Variants in PRSS37 observed in about 807,000 individuals in gnomAD.
PRSS37 encodes serine protease 37.
Under a neutral mutation model 28.0 loss-of-function variants are expected in PRSS37, and 25 were observed. The observed-to-expected ratio is 0.89, with a 90% confidence interval of 0.65 to 1.25. The LOEUF is 1.25. Among genes scored for constraint, PRSS37 ranks in the 50% most tolerant of loss-of-function variants. PRSS37 has a pLI of 0.00. For synonymous variants in PRSS37, 109 were observed against 107.8 expected, an observed-to-expected ratio of 1.01 and a Z score of -0.07; for missense variants, 282 against 292.2, an observed-to-expected ratio of 0.97 and a Z score of 0.25.
chr7:141,839,658 A>G (rs1235442926), intron 1 of PRSS37, among the ~76,000 whole-genome samples, 179 bp from the exon 2 acceptor site: 1 of 152,138 alleles, frequency 6.6e-6, no homozygotes, highest in Non-Finnish European at 1.5e-5. Flanking sequence ...ATTTTATCTT[A>G]TATTTATAAT....
At chr7:141,837,074 T>C (rs376824020) in intron 4 of PRSS37, 38 bp downstream of exon 4, 2 of 1,602,152 alleles carry the variant, frequency 1.2e-6, no homozygotes, top group Non-Finnish European at 8.5e-7. Context: ...ACCGGGCATA[T>C]GCAAGTAAAT....
chr7:141,838,529 T>C, intron 2 of PRSS37: 1 of 924,094 alleles, frequency 1.1e-6, no homozygotes, highest in Non-Finnish European at 1.4e-6. Context: ...TCCTATTCCA[T>C]TCTGCTCTGC....
chr7:141,837,468 G>C (rs1030769331), intron 3 of PRSS37: 8 of 1,133,824 alleles, frequency 7.1e-6, no homozygotes, highest in Non-Finnish European at 8.7e-6. Context: ...ATTTTTAATT[G>C]GTGGCCTGTC....
chr7:141,839,016 A>G (rs1801067034), intron 2 of PRSS37: 1 of 499,494 alleles, frequency 2.0e-6, no homozygotes, highest in South Asian at 1.6e-5. Flanking sequence ...TGCCAGTAAA[A>G]AAAAAAAAAG....
In PRSS37 at chr7:141,837,096, A is replaced by G; in HGVS notation, c.567+16T>C. 6.2e-7 allele frequency: 1 copy of G among 1,611,374 alleles called. No homozygotes were observed. Among genetic ancestry groups the G allele is most frequent in the Non-Finnish European group, 8.5e-7 (1 of 1,179,010 alleles). On this transcript the variant is annotated intron_variant, in intron 4 of 4. Transcript: ENST00000350549. ...ATATGCAAGTAAATGAAAGCTGAAT[A>G]TAGAGATAAGATTACCCCAAAAATT... is the stretch of plus-strand genomic sequence containing the variant.
intron 2 of PRSS37, 63 bp downstream of exon 2, chr7:141,839,275 G>A (rs62478495): frequency 0.17 from 263,904 of 1,544,238 alleles, 23,307 homozygotes; most frequent in East Asian, 0.25. Flanking sequence ...ACCCTTATAT[G>A]AGAACCACTG....
rs780686375 is a variant in PRSS37 at position 141,836,361 on chromosome 7, AG to A, written c.*33del. 1.9e-6 allele frequency: 3 copies of A among 1,607,924 alleles called. No individual in the cohort carries two copies. Among genetic ancestry groups the A allele is most frequent in the Non-Finnish European group, 2.6e-6 (3 of 1,174,884 alleles). On this transcript the variant is annotated 3_prime_UTR_variant, in exon 5 of 5. Coordinates refer to ENST00000350549, the MANE Select transcript of PRSS37 (RefSeq NM_001008270.3). ...ATTATCTGCTTGTATAGTCCATGGC[AG>A]AGCCAGTGGAATGCAGAGGGAGAAG...
chr7:141,838,430 T>C lies in PRSS37; in HGVS notation c.177-317A>G, dbSNP rs138690161. 17 of 1,218,132 alleles carry C rather than the reference T, an allele frequency of 1.4e-5. No individual in the cohort carries two copies. The African/African-American group carries it at 2.2e-4, about 15-fold the overall frequency. The allele number at this position is 1,218,132 out of a possible 1,614,324, so 75.5% of individuals were successfully genotyped here. ...AATGTAATTTTCTCGCCTATCTAAC[T>C]GAACAATGTCCATTTTGGTGGAGAC... is the stretch of plus-strand genomic sequence containing the variant. On this transcript the variant is annotated intron_variant, in intron 2 of 4. Transcript: ENST00000350549.
At chr7:141,839,115 C>A (rs1463974864) in intron 2 of PRSS37, 2 of 638,194 alleles carry the variant, frequency 3.1e-6, no homozygotes, top group Non-Finnish European at 5.6e-6. Context: ...CTGGACAAAT[C>A]TTTATTGTGG....
rs538916686 is a variant in PRSS37 at position 141,837,609 on chromosome 7, T to A, written c.430+251A>T. On this transcript the variant is annotated intron_variant, in intron 3 of 4. Coordinates refer to ENST00000350549, the MANE Select transcript of PRSS37 (RefSeq NM_001008270.3). ...TGCCAATCAGGAATGGCTGGGCCTC[T>A]GTGCAGAGTCAGATGGCCTGGTGGC... 3 of 1,512,568 alleles carry A rather than the reference T, an allele frequency of 2.0e-6. No homozygotes were observed. The Admixed American group carries it at 6.0e-5, about 30-fold the overall frequency. The allele number at this position is 1,512,568 out of a possible 1,614,324, so 93.7% of individuals were successfully genotyped here. A position where few individuals can be genotyped will look rare whatever the true frequency, so the allele number is the denominator to read the frequency against.
intron 2 of PRSS37, chr7:141,838,852 A>T: frequency 2.6e-6 from 1 of 388,518 alleles, no homozygotes; most frequent in South Asian, 1.9e-5. Flanking sequence ...TTCTTAATAC[A>T]AACCCTGGTG....
Position 141,841,139 on chromosome 7 carries a change from T to G in PRSS37, c.-90A>C. Reference sequence around the variant, plus strand: ...TAGTTGTCTTCTCAGGAACACCTGGTAGACTCAGTGGCTATGGTTAGATAC... The same window carrying G: ...TAGTTGTCTTCTCAGGAACACCTGGGAGACTCAGTGGCTATGGTTAGATAC... On this transcript the variant is annotated 5_prime_UTR_variant, in exon 1 of 5. Transcript: ENST00000350549. 1.2e-6 allele frequency: 2 copies of G among 1,600,470 alleles called. No individual in the cohort carries two copies. The highest frequency in any genetic ancestry group is 1.7e-6 in the Non-Finnish European group (2 of 1,171,616).
Position 141,836,637 on chromosome 7 carries a change from C to T in PRSS37, c.568-102G>A, listed in dbSNP as rs139508328. Reference sequence around the variant, plus strand: ...CGCTTGGGTGAGCCCTGTCTGCAGGCATATGCTGGACTCTTGAAAAGAGCA... The same window carrying T: ...CGCTTGGGTGAGCCCTGTCTGCAGGTATATGCTGGACTCTTGAAAAGAGCA... On this transcript the variant is annotated intron_variant, in intron 4 of 4. Transcript: ENST00000350549. 1,699 of 1,297,990 alleles carry T rather than the reference C, an allele frequency of 1.3e-3. 20 individuals carry two copies. In the African/African-American group the frequency reaches 0.022, roughly 17 times the overall value. 80.4% of individuals were successfully genotyped at this position (1,297,990 alleles called of 1,614,324 possible).
chr7:141,839,574 T>C, intron 1 of PRSS37, 95 bp from the exon 2 acceptor site: 1 of 1,012,102 alleles, frequency 9.9e-7, no homozygotes, highest in Non-Finnish European at 1.4e-6. Flanking sequence ...TCTTAAACAG[T>C]TATCAGTTGG....
intron 1 of PRSS37, among the ~76,000 whole-genome samples, chr7:141,840,658 A>G (rs1402708912): frequency 6.6e-6 from 1 of 152,218 alleles, no homozygotes; most frequent in Non-Finnish European, 1.5e-5. Context: ...CCTCATCTGC[A>G]AATTCTGCTG....
At chr7:141,840,966 T>G (rs369440886) in intron 1 of PRSS37, 50 bp downstream of exon 1, 1 of 1,577,070 alleles carries the variant, frequency 6.3e-7, no homozygotes, top group Non-Finnish European at 8.7e-7. Flanking sequence ...TCTCACCCCA[T>G]CCATTAAACT....
chr7:141,837,313 C>A, intron 3 of PRSS37, 65 bp from the exon 4 acceptor site: 6 of 1,519,972 alleles, frequency 3.9e-6, no homozygotes, highest in Non-Finnish European at 5.3e-6. Context: ...CTTCTGACCA[C>A]CAGCCTCTAT....
At chr7:141,840,537 G>C (rs1164892872) in intron 1 of PRSS37, among the ~76,000 whole-genome samples, 1 of 152,208 alleles carries the variant, frequency 6.6e-6, no homozygotes, top group African/African-American at 2.4e-5. Flanking sequence ...AATATGGGTA[G>C]TCATACCCCC....
chr7:141,836,990 G>A, intron 4 of PRSS37, 122 bp downstream of exon 4: 1 of 1,001,272 alleles, frequency 1.0e-6, no homozygotes, highest in East Asian at 2.6e-5. Flanking sequence ...TGCTGGCTTT[G>A]CAGCAGCCTT....
Sources: gnomAD v4.1 joint callset for allele counts (sites outside exome capture counted in the v4.1 genomes callset) on GRCh38, gnomAD v4.1.1 for gene constraint, MANE v1.5 for transcripts, NCBI Gene and HGNC (gene_info 2026-07-23, HGNC 2026-07-21) for gene names.